The following HTR2C variants were observed in gnomAD, a reference collection of about 807,000 sequenced individuals.
The protein encoded by HTR2C is 5-hydroxytryptamine (serotonin) receptor 2C, G protein-coupled.
In HTR2C, 5 loss-of-function variants were observed where a neutral mutation model predicts 21.0. That is an observed-to-expected ratio of 0.24 (90% CI 0.12 to 0.50). The LOEUF (loss-of-function observed/expected upper bound fraction) is 0.50. Ranked by LOEUF, HTR2C falls within the 20% of genes least tolerant of loss-of-function variation. HTR2C has a pLI of 0.98. For missense variants in HTR2C, 271 were observed against 371.2 expected (o/e 0.73, Z 2.22); for synonymous variants, 150 against 145.3 (o/e 1.03, Z -0.23).
chrX:114,727,945 A>G (rs1156666539), intron 3 of HTR2C, among the ~76,000 whole-genome samples: 1 of 111,638 alleles, frequency 9.0e-6, no homozygotes, highest in Non-Finnish European at 1.9e-5. Context: ...TGAAAGGACA[A>G]GTGTTCCTGC....
chrX:114,806,858 C>T (rs1217329549), intron 4 of HTR2C, among the ~76,000 whole-genome samples: 2 of 96,120 alleles, frequency 2.1e-5, no homozygotes, highest in African/African-American at 3.8e-5. Context: ...ATATATATAC[C>T]GTATATATAC....
intron 4 of HTR2C, among the ~76,000 whole-genome samples, chrX:114,762,472 A>T (rs947106552): frequency 1.8e-5 from 2 of 111,577 alleles, no homozygotes; most frequent in Non-Finnish European, 3.8e-5. Context: ...GAATAGCAGA[A>T]GACAATCTTC....
intron 4 of HTR2C, among the ~76,000 whole-genome samples, chrX:114,771,206 T>C (rs1365322908): frequency 9.0e-6 from 1 of 111,527 alleles, no homozygotes; most frequent in Non-Finnish European, 1.9e-5. Context: ...CAACCTCTAG[T>C]GTTTATTGTT....
At chrX:114,807,072 A>C (rs868984250) in intron 4 of HTR2C, among the ~76,000 whole-genome samples, 2 of 51,039 alleles carry the variant, frequency 3.9e-5, no homozygotes, top group African/African-American at 1.0e-4. Flanking sequence ...TATATATACC[A>C]TATATACACC....
chrX:114,687,417 G>A (rs781962964), intron 2 of HTR2C, among the ~76,000 whole-genome samples: 3 of 111,999 alleles, frequency 2.7e-5, no homozygotes, highest in African/African-American at 9.7e-5. Context: ...GTACTCCATC[G>A]TTTACTGGTA....
At chrX:114,725,354 C>G (rs1294765699) in intron 2 of HTR2C, among the ~76,000 whole-genome samples, 1 of 111,221 alleles carries the variant, frequency 9.0e-6, no homozygotes, top group South Asian at 3.8e-4. Flanking sequence ...TGAGCCTTGG[C>G]TTTCAGCTCC....
chrX:114,876,834 A>G (rs1396066467), intron 5 of HTR2C, among the ~76,000 whole-genome samples: 1 of 73,482 alleles, frequency 1.4e-5, no homozygotes, highest in Non-Finnish European at 2.6e-5. Flanking sequence ...TGAATTCAGT[A>G]TGCTATTTTG....
At chrX:114,802,794 A>G (rs782022694) in intron 4 of HTR2C, among the ~76,000 whole-genome samples, 2 of 99,362 alleles carry the variant, frequency 2.0e-5, no homozygotes, top group South Asian at 1.0e-3. Context: ...GGTTAGTTAC[A>G]TATGTATTCA....
chrX:114,744,695 G>T (rs1202149885), intron 4 of HTR2C, among the ~76,000 whole-genome samples: 2 of 110,472 alleles, frequency 1.8e-5, no homozygotes, highest in Non-Finnish European at 3.8e-5. Flanking sequence ...CTCGTGATCC[G>T]CCCGCCTCAG....
chrX:114,656,861 C>G (rs1316237339), intron 2 of HTR2C, among the ~76,000 whole-genome samples: 7 of 109,026 alleles, frequency 6.4e-5, no homozygotes, highest in African/African-American at 2.3e-4. Flanking sequence ...TCAATCTTAG[C>G]CAAAAGACAT....
chrX:114,835,774 G>A (rs1556463498), intron 4 of HTR2C, among the ~76,000 whole-genome samples: 1 of 111,597 alleles, frequency 9.0e-6, no homozygotes, highest in Non-Finnish European at 1.9e-5. Context: ...TTGAGGAGGA[G>A]AGGCGCTCTG....
intron 4 of HTR2C, among the ~76,000 whole-genome samples, chrX:114,826,521 A>C (rs1556458547): frequency 8.9e-6 from 1 of 112,289 alleles, no homozygotes; most frequent in African/African-American, 3.2e-5. Context: ...AGGCCAAAAA[A>C]TAAATGAATT....
chrX:114,806,650 C>T (rs2070448958), intron 4 of HTR2C, among the ~76,000 whole-genome samples: 2 of 93,872 alleles, frequency 2.1e-5, no homozygotes, highest in East Asian at 6.7e-4. Flanking sequence ...CTATATATAC[C>T]ATATATATAC....
At chrX:114,764,266 C>T (rs1393970240) in intron 4 of HTR2C, among the ~76,000 whole-genome samples, 3 of 110,077 alleles carry the variant, frequency 2.7e-5, no homozygotes, top group Non-Finnish European at 3.8e-5. Flanking sequence ...GGTGTGGTGG[C>T]GCATGCCTGT....
intron 4 of HTR2C, among the ~76,000 whole-genome samples, chrX:114,804,805 T>G (rs1231958401): frequency 1.8e-5 from 2 of 111,652 alleles, no homozygotes; most frequent in Non-Finnish European, 3.8e-5. Context: ...CTTGGTCTGG[T>G]GTCTGCTTCC....
intron 4 of HTR2C, among the ~76,000 whole-genome samples, chrX:114,760,878 T>A (rs192769512): frequency 1.3e-4 from 14 of 111,459 alleles, no homozygotes; most frequent in African/African-American, 4.6e-4. Context: ...TATTTATAAT[T>A]CATTTGCAAC....
At chrX:114,654,220 A>G (rs1045606120) in intron 2 of HTR2C, among the ~76,000 whole-genome samples, 4 of 108,690 alleles carry the variant, frequency 3.7e-5, no homozygotes, top group African/African-American at 1.3e-4. Flanking sequence ...ATGAGATTCC[A>G]AAACCCCTTA....
intron 1 of HTR2C, among the ~76,000 whole-genome samples, chrX:114,612,939 TA>T (rs1196403209): frequency 1.8e-5 from 2 of 108,656 alleles, no homozygotes; most frequent in African/African-American, 6.9e-5. Flanking sequence ...TATTTTATTT[TA>T]TTTTATTTTT....
At chrX:114,835,396 T>C (rs1369596029) in intron 4 of HTR2C, among the ~76,000 whole-genome samples, 2 of 108,245 alleles carry the variant, frequency 1.8e-5, no homozygotes, top group Non-Finnish European at 3.8e-5. Flanking sequence ...TTGGAGGCTT[T>C]TTTGGTTTCC....
Sources: gnomAD v4.1 joint callset for allele counts (sites outside exome capture counted in the v4.1 genomes callset) on GRCh38, gnomAD v4.1.1 for gene constraint, MANE v1.5 for transcripts, NCBI Gene and HGNC (gene_info 2026-07-23, HGNC 2026-07-21) for gene names.